The following CHRNE variants were observed in gnomAD, a reference collection of about 807,000 sequenced individuals.
CHRNE encodes cholinergic receptor nicotinic epsilon subunit, also known as acetylcholine receptor subunit epsilon.
A neutral mutation model predicts 56.5 loss-of-function variants in CHRNE; 58 were observed. The ratio of observed to expected loss-of-function variants is 1.03; its 90% CI spans 0.83 to 1.28. CHRNE has a LOEUF of 1.28. CHRNE is among the 50% of genes most tolerant of loss of function. The pLI, the probability that CHRNE is intolerant of heterozygous loss-of-function variation, is 0.00. For synonymous variants in CHRNE, 385 were observed against 297.9 expected (o/e 1.29, Z -3.01); for missense variants, 793 against 688.9 (o/e 1.15, Z -1.69).
chr17:4,902,987 G>C lies in CHRNE; in HGVS notation c.46+31C>G. The C allele has an allele frequency of 6.2e-7, 1 of 1,613,798 alleles. No homozygotes were observed. Among genetic ancestry groups the C allele is most frequent in the Non-Finnish European group, 8.5e-7 (1 of 1,179,758 alleles). The stretch of plus-strand genomic sequence containing the variant: ...TCCCTTCATGTCAGTATCTGTGTGT[G>C]TCCAATTGCCCCTCTAGCCCCTGTC... On this transcript the variant is annotated intron_variant, in intron 1 of 11. Coordinates refer to ENST00000649488, the MANE Select transcript of CHRNE (RefSeq NM_000080.4). The surrounding 1 kb of genome is among the most constrained non-coding windows in gnomAD (Gnocchi z 4.0).
intron 5 of CHRNE, 99 bp from the exon 6 acceptor site, chr17:4,901,724 C>A: frequency 7.5e-7 from 1 of 1,325,256 alleles, no homozygotes; most frequent in South Asian, 1.2e-5. Context: ...GCCGCGATCC[C>A]AAGCCCACCC....
At chr17:4,900,188 G>A (rs1052539405) in intron 8 of CHRNE, 8 of 1,543,800 alleles carry the variant, frequency 5.2e-6, no homozygotes, top group Admixed American at 4.0e-5. Flanking sequence ...ATCGGGTAGC[G>A]GGAACAAGGA....
At chr17:4,900,145 G>T in intron 8 of CHRNE, 2 of 1,550,004 alleles carry the variant, frequency 1.3e-6, no homozygotes, top group Non-Finnish European at 1.7e-6. Flanking sequence ...CCTTGTTAGA[G>T]GTGGGGTACT....
Position 4,898,816 on chromosome 17 carries a change from C to T in CHRNE, c.1402G>A (p.Val468Met), listed in dbSNP as rs139171143. ...CFWAALVLFS[V>M]GSSLIFLGAY... ...CCGAGGAAGATGAGGCTGGAGCCCA[C>T]GCTGAAGAGCACCAGAGCGGCCCAG... is the stretch of plus-strand genomic sequence containing the variant. The change falls in exon 12 of 12, where the codon GTG (valine) becomes ATG (methionine). Residue 468 changes from valine to methionine, a missense_variant. By Grantham distance (21) the Val-to-Met change is conservative. Coordinates refer to ENST00000649488, the MANE Select transcript of CHRNE (RefSeq NM_000080.4). 177 of 1,603,358 alleles carry T rather than the reference C, an allele frequency of 1.1e-4. No individual in the cohort carries two copies. The highest frequency in any genetic ancestry group is 1.4e-4 in the Non-Finnish European group (160 of 1,175,774).
At chr17:4,901,881 A>G in intron 5 of CHRNE, 51 bp downstream of exon 5, 6 of 1,449,102 alleles carry the variant, frequency 4.1e-6, no homozygotes, top group East Asian at 2.4e-5. Context: ...CCCGCCCCAT[A>G]AGGCCCCCCC....
rs1050424329 is a variant in CHRNE at position 4,898,399 on chromosome 17, G to T, written c.*337C>A. 2 of 399,308 alleles carry T rather than the reference G, an allele frequency of 5.0e-6. No individual in the cohort carries two copies. Among genetic ancestry groups the T allele is most frequent in the African/African-American group, 4.1e-5 (2 of 48,648 alleles). 24.7% of individuals were successfully genotyped at this position (399,308 alleles called of 1,614,324 possible). A position where few individuals can be genotyped will look rare whatever the true frequency, so the allele number is the denominator to read the frequency against. ...GGGGTCTCCTGTTTGGCTATGAAAT[G>T]AATATAGATAGATAGCTCACAAGCT... On this transcript the variant is annotated 3_prime_UTR_variant, in exon 12 of 12. Transcript: ENST00000649488.
chr17:4,901,424 G>T, intron 6 of CHRNE, 101 bp downstream of exon 6: 1 of 1,129,428 alleles, frequency 8.9e-7, no homozygotes, highest in East Asian at 2.4e-5. Context: ...AGTTGTGGAA[G>T]TCATCCTCCA....
intron 8 of CHRNE, 69 bp downstream of exon 8, chr17:4,900,724 G>C: frequency 2.0e-6 from 3 of 1,512,418 alleles, no homozygotes; most frequent in East Asian, 2.4e-5. Flanking sequence ...CTTTTCCCGG[G>C]GTCTCTGGGT....
chr17:4,900,348 G>A, intron 8 of CHRNE: 1 of 1,547,772 alleles, frequency 6.5e-7, no homozygotes, highest in Non-Finnish European at 8.7e-7. Flanking sequence ...CCAAGCCGCA[G>A]GGCAGGGGGT....
At chr17:4,906,013 G>A (rs564295655), upstream of CHRNE, among the ~76,000 whole-genome samples, 8 of 152,234 alleles carry the variant, frequency 5.3e-5, no homozygotes, top group Admixed American at 2.0e-4. Context: ...CTCTCACTTC[G>A]TCAGCACTGC....
upstream of CHRNE, among the ~76,000 whole-genome samples, chr17:4,903,851 G>A (rs1970052316): frequency 6.6e-6 from 1 of 152,108 alleles, no homozygotes; most frequent in South Asian, 2.1e-4. Flanking sequence ...TCCTTTTGAT[G>A]TTCCTTTTTA....
At chr17:4,900,308 G>A (rs1385919088) in intron 8 of CHRNE, 2 of 1,545,416 alleles carry the variant, frequency 1.3e-6, no homozygotes, top group Non-Finnish European at 1.7e-6. Flanking sequence ...CAGACGGCAG[G>A]GATCCGGGTG....
In CHRNE at chr17:4,901,242, G is replaced by T. The variant is rs374236994; in HGVS notation, c.602-52C>A. 2.2e-5 allele frequency: 34 copies of T among 1,576,394 alleles called. 1 individual carries two copies. The African/African-American group carries it at 2.3e-4, about 11-fold the overall frequency. On this transcript the variant is annotated intron_variant, in intron 6 of 11. Coordinates refer to ENST00000649488, the MANE Select transcript of CHRNE (RefSeq NM_000080.4). ...GCTGTCAGAGCGGGGCGCCCGCCGA[G>T]CTGACAGCGGGCTGAAGAGGAGGCT...
upstream of CHRNE, among the ~76,000 whole-genome samples, chr17:4,905,809 C>A (rs1022870758): frequency 1.3e-5 from 2 of 150,130 alleles, no homozygotes; most frequent in African/African-American, 4.9e-5. Flanking sequence ...TGCAGTGAGC[C>A]GAGATCGTGC....
Position 4,901,966 on chromosome 17 carries a change from G to C in CHRNE, c.466C>G (p.Pro156Ala). 1.2e-6 allele frequency: 2 copies of C among 1,614,138 alleles called. No homozygotes were observed. Among genetic ancestry groups the C allele is most frequent in the Non-Finnish European group, 1.7e-6 (2 of 1,180,032 alleles). ...SVCAVEVTYF[P>A]FDWQNCSLIF... The stretch of plus-strand genomic sequence containing the variant: ...AGCGAACAGTTCTGCCAATCGAAGG[G>C]GAAGTAGGTGACCTCCACTGCGCAG... The change falls in exon 5 of 12, where the codon CCC becomes GCC. Residue 156 changes from proline to alanine, a missense_variant. Physicochemically the swap from Pro to Ala is conservative, Grantham distance 27. Coordinates refer to ENST00000649488, the MANE Select transcript of CHRNE (RefSeq NM_000080.4).
upstream of CHRNE, among the ~76,000 whole-genome samples, chr17:4,907,670 G>A (rs1970108968): frequency 1.3e-5 from 2 of 151,616 alleles, no homozygotes. Context: ...TCCAAATGAT[G>A]GGCTAAATCC....
intron 8 of CHRNE, 61 bp from the exon 9 acceptor site, chr17:4,899,643 CG>C: frequency 1.4e-6 from 2 of 1,465,048 alleles, no homozygotes; most frequent in South Asian, 2.4e-5. Context: ...AGGCGCCGCG[CG>C]CTGACCTCAC....
chr17:4,900,956 C>CGGGTTTGGGGGT (rs753179619), intron 7 of CHRNE, 34 bp downstream of exon 7: 1 of 1,613,808 alleles, frequency 6.2e-7, no homozygotes, highest in Non-Finnish European at 8.5e-7. Context: ...GGAGCGAGCC[C>CGGGTTTGGGGGT]GGGTTTGGGG....
At position 4,899,072 on chromosome 17, in the gene CHRNE, C is replaced by A. The variant is rs754975887; in HGVS notation, c.1255G>T (p.Glu419Ter). 1.2e-6 allele frequency: 2 copies of A among 1,611,438 alleles called. No individual in the cohort carries two copies. Among genetic ancestry groups the A allele is most frequent in the Non-Finnish European group, 1.7e-6 (2 of 1,179,550 alleles). The change falls in exon 11 of 12, where the codon GAG becomes TAG. Residue 419 changes from glutamate to a stop codon, truncating the protein, a stop_gained. Transcript: ENST00000649488. LOFTEE classifies it high-confidence loss of function. ...FCQSLGAAAP[E>*]VRCCVDAVNF... ...ACGGCATCCACACAGCAGCGGACCT[C>A]GGGGGCGGCGGCGCCCAGGCTCTGG...
Sources: allele counts gnomAD v4.1 joint callset (sites outside exome capture counted in the v4.1 genomes callset), GRCh38; gene constraint gnomAD v4.1.1; non-coding constraint Gnocchi (gnomAD v3.1); transcripts MANE v1.5; gene names NCBI Gene and HGNC (gene_info 2026-07-23, HGNC 2026-07-21).